CCSER1: variants seen among roughly 807,000 people sequenced by gnomAD.
CCSER1 encodes serine-rich coiled-coil domain-containing protein 1.
CCSER1 carries 41 observed loss-of-function variants against 82.0 expected under a neutral mutation model. That is an observed-to-expected ratio of 0.50 (90% CI 0.39 to 0.65). CCSER1 has a LOEUF of 0.65. CCSER1 is among the 30% of genes least tolerant of loss of function. The pLI, the probability that CCSER1 is intolerant of heterozygous loss-of-function variation, is 0.00. For missense variants in CCSER1, 1,119 were observed against 1,064.2 expected (o/e 1.05, Z -0.72); for synonymous variants, 414 against 383.9 (o/e 1.08, Z -0.92).
At chr4:91,130,105 A>G (rs992889393) in intron 10 of CCSER1, 8 of 151,970 alleles carry the variant, frequency 5.3e-5, no homozygotes, top group Admixed American at 1.3e-4. Flanking sequence ...TATAAAGGGA[A>G]TGTCTGCAGT....
chr4:90,754,101 T>C (rs1041160771), intron 7 of CCSER1, among the ~76,000 whole-genome samples: 2 of 152,208 alleles, frequency 1.3e-5, no homozygotes, highest in Non-Finnish European at 2.9e-5. Context: ...ATGGCACTTA[T>C]TATTTTTCAT....
At chr4:90,544,131 G>C (rs1443724504) in intron 5 of CCSER1, among the ~76,000 whole-genome samples, 2 of 152,102 alleles carry the variant, frequency 1.3e-5, no homozygotes, top group Non-Finnish European at 2.9e-5. Context: ...TACTACAGAA[G>C]AACCGTGAGA....
chr4:90,859,852 T>G (rs973409970), intron 8 of CCSER1, among the ~76,000 whole-genome samples: 4 of 151,776 alleles, frequency 2.6e-5, no homozygotes, highest in African/African-American at 7.2e-5. Flanking sequence ...ATGAATTTAT[T>G]GTTTTTTAAC....
chr4:91,502,050 A>T (rs546289607), intron 10 of CCSER1, among the ~76,000 whole-genome samples: 1 of 152,284 alleles, frequency 6.6e-6, no homozygotes, highest in East Asian at 1.9e-4. Flanking sequence ...GCGACTTAGA[A>T]CAAGGTGTCC....
At chr4:91,541,784 A>G (rs1761612842) in intron 10 of CCSER1, among the ~76,000 whole-genome samples, 1 of 152,124 alleles carries the variant, frequency 6.6e-6, no homozygotes, top group Non-Finnish European at 1.5e-5. Context: ...CTAGTTCTAG[A>G]TCCCTGAGGA....
At chr4:90,668,333 C>T (rs184733059) in intron 6 of CCSER1, among the ~76,000 whole-genome samples, 34 of 152,232 alleles carry the variant, frequency 2.2e-4, no homozygotes, top group Middle Eastern at 3.4e-3. Context: ...CTCCAAGCAT[C>T]CTTCAATGGG....
chr4:91,207,195 T>TA (rs1258521504), intron 10 of CCSER1, among the ~76,000 whole-genome samples: 1 of 151,808 alleles, frequency 6.6e-6, no homozygotes, highest in African/African-American at 2.4e-5. Flanking sequence ...AAGGAACAAT[T>TA]AAGAGTTTCC....
At chr4:91,565,299 G>C (rs910422545) in intron 10 of CCSER1, among the ~76,000 whole-genome samples, 1 of 151,976 alleles carries the variant, frequency 6.6e-6, no homozygotes, top group Admixed American at 6.6e-5. Flanking sequence ...TTTGTTTACT[G>C]TATCCTTGTA....
chr4:90,158,208 A>T (rs1237120156), intron 1 of CCSER1, among the ~76,000 whole-genome samples: 2 of 152,142 alleles, frequency 1.3e-5, no homozygotes, highest in African/African-American at 4.8e-5. Context: ...TGAACCGCAA[A>T]TGCTGCTGTC....
chr4:90,420,625 A>G (rs1433585083), intron 4 of CCSER1, among the ~76,000 whole-genome samples: 1 of 152,054 alleles, frequency 6.6e-6, no homozygotes, highest in Non-Finnish European at 1.5e-5. Context: ...TTCAGTGACA[A>G]AGAAGGCTTT....
intron 10 of CCSER1, among the ~76,000 whole-genome samples, chr4:91,515,196 C>T (rs2110125453): frequency 6.6e-6 from 1 of 151,798 alleles, no homozygotes; most frequent in Non-Finnish European, 1.5e-5. Context: ...TTGGATTTTG[C>T]TTTTTTTTCT....
chr4:91,078,634 G>A (rs992593314), intron 9 of CCSER1, among the ~76,000 whole-genome samples: 2 of 152,154 alleles, frequency 1.3e-5, no homozygotes, highest in Admixed American at 6.6e-5. Flanking sequence ...AAACTTCTCC[G>A]AGCTAAAGGA....
At chr4:90,988,518 C>A (rs1736769791) in intron 9 of CCSER1, among the ~76,000 whole-genome samples, 1 of 151,548 alleles carries the variant, frequency 6.6e-6, no homozygotes, top group African/African-American at 2.4e-5. Flanking sequence ...TCCATTAAAT[C>A]AAGCCAATTA....
intron 1 of CCSER1, among the ~76,000 whole-genome samples, chr4:90,182,088 G>GT (rs1269239878): frequency 1.3e-5 from 2 of 152,062 alleles, no homozygotes; most frequent in Admixed American, 6.6e-5. Context: ...TGAGAAAAAG[G>GT]TTTTTATATT....
At chr4:90,433,596 G>A (rs1388666862) in intron 4 of CCSER1, among the ~76,000 whole-genome samples, 1 of 151,920 alleles carries the variant, frequency 6.6e-6, no homozygotes, top group African/African-American at 2.4e-5. Context: ...GACTCACACC[G>A]AGTATACATT....
intron 6 of CCSER1, among the ~76,000 whole-genome samples, chr4:90,684,622 T>C (rs543214966): frequency 6.6e-6 from 1 of 152,322 alleles, no homozygotes; most frequent in African/African-American, 2.4e-5. Context: ...AGTTATTCAT[T>C]AATATAATTA....
intron 10 of CCSER1, among the ~76,000 whole-genome samples, chr4:91,110,733 AC>A (rs992362799): frequency 3.3e-5 from 5 of 151,992 alleles, no homozygotes; most frequent in African/African-American, 1.2e-4. Flanking sequence ...TGTAGTAAGT[AC>A]CCAATAAATG....
chr4:90,910,404 C>T (rs550175375), intron 8 of CCSER1, among the ~76,000 whole-genome samples: 2 of 152,172 alleles, frequency 1.3e-5, no homozygotes, highest in Non-Finnish European at 2.9e-5. Flanking sequence ...ATTTCAATCT[C>T]TAAATATACT....
chr4:91,122,843 G>A (rs904189304), intron 10 of CCSER1, among the ~76,000 whole-genome samples: 4 of 151,734 alleles, frequency 2.6e-5, no homozygotes, highest in African/African-American at 9.7e-5. Flanking sequence ...AAATACAAGA[G>A]TGGACATGTG....
Sources: gnomAD v4.1 joint callset for allele counts (sites outside exome capture counted in the v4.1 genomes callset) on GRCh38, gnomAD v4.1.1 for gene constraint, MANE v1.5 for transcripts, NCBI Gene and HGNC (gene_info 2026-07-23, HGNC 2026-07-21) for gene names.